The following GAB2 variants were observed in gnomAD, a reference collection of about 807,000 sequenced individuals.
GAB2 encodes GRB2-associated-binding protein 2.
Under a neutral mutation model 65.5 loss-of-function variants are expected in GAB2, and 26 were observed. The ratio of observed to expected loss-of-function variants is 0.40; its 90% CI spans 0.29 to 0.55. The LOEUF (loss-of-function observed/expected upper bound fraction) is 0.55. Ranked by LOEUF, GAB2 falls within the 20% of genes least tolerant of loss-of-function variation. The probability of loss-of-function intolerance (pLI) is 0.53; values close to 1 mark genes in which losing one functional copy is unlikely to be tolerated. For synonymous variants in GAB2, 321 were observed against 329.6 expected, an observed-to-expected ratio of 0.97 and a Z score of 0.28; for missense variants, 884 against 875.8, an observed-to-expected ratio of 1.01 and a Z score of -0.12.
At chr11:78,258,556 A>T (rs1479768774) in intron 2 of GAB2, among the ~76,000 whole-genome samples, 1 of 151,958 alleles carries the variant, frequency 6.6e-6, no homozygotes, top group Non-Finnish European at 1.5e-5. Flanking sequence ...TTTTCTTAAG[A>T]AGCTTCTTAG....
At position 78,292,004 on chromosome 11, in the gene GAB2, GT is replaced by G. The variant is rs1364009501; in HGVS notation, c.76-11104del. Reference sequence around the variant, plus strand: ...GAGCTTCACTAAGAGGTGTGTAGGGGTGTGTGTGTGTGTGTGTGTGTGTGTG... The same window carrying G: ...GAGCTTCACTAAGAGGTGTGTAGGGGGTGTGTGTGTGTGTGTGTGTGTGTG... On this transcript the variant is annotated intron_variant, in intron 1 of 9. Coordinates refer to ENST00000361507, the MANE Select transcript of GAB2 (RefSeq NM_080491.3). Among the ~76,000 whole-genome samples the G allele has an allele frequency of 3.2e-3, 22 of 6,980 alleles. No homozygotes were observed. The Non-Finnish European group carries it at 0.083, about 26-fold the overall frequency. The allele number at this position is 6,980 out of a possible 152,430, so 4.6% of individuals were successfully genotyped here. A position where few individuals can be genotyped will look rare whatever the true frequency, so the allele number is the denominator to read the frequency against.
At chr11:78,245,939 TTTC>T (rs1245352463) in intron 3 of GAB2, among the ~76,000 whole-genome samples, 1 of 146,546 alleles carries the variant, frequency 6.8e-6, no homozygotes, top group African/African-American at 2.4e-5. Context: ...GTTTTTTTAT[TTTC>T]TTTTTTTCTT....
intron 6 of GAB2, among the ~76,000 whole-genome samples, chr11:78,222,476 C>A (rs1165300703): frequency 6.6e-6 from 1 of 150,548 alleles, no homozygotes. Flanking sequence ...ACAGATTTTT[C>A]TCCCTCAATT....
intron 3 of GAB2, among the ~76,000 whole-genome samples, chr11:78,235,384 C>T (rs1029484205): frequency 6.6e-6 from 1 of 152,028 alleles, no homozygotes; most frequent in African/African-American, 2.4e-5. Flanking sequence ...GATCTCCTGA[C>T]CTTGAGATCC....
chr11:78,287,863 G>A (rs868842221), intron 1 of GAB2, among the ~76,000 whole-genome samples: 2 of 148,564 alleles, frequency 1.3e-5, no homozygotes, highest in Non-Finnish European at 3.0e-5. Flanking sequence ...GGCCAGGCTG[G>A]TCTTGAACTC....
chr11:78,246,205 T>G lies in GAB2; in HGVS notation c.620+3952A>C, dbSNP rs557669947. ...CCTCGGGCTCCCAAAGTGCTGGGATTACAGGTGTGAGCCACAGTGTCCGGT... is the reference window on the plus strand; with the variant it reads ...CCTCGGGCTCCCAAAGTGCTGGGATGACAGGTGTGAGCCACAGTGTCCGGT... On this transcript the variant is annotated intron_variant, in intron 3 of 9. Coordinates refer to ENST00000361507, the MANE Select transcript of GAB2 (RefSeq NM_080491.3). 5.3e-5 allele frequency among the ~76,000 whole-genome samples: 8 copies of G among 152,274 alleles called. No homozygotes were observed. The South Asian group carries it at 1.2e-3, about 24-fold the overall frequency.
intron 1 of GAB2, among the ~76,000 whole-genome samples, chr11:78,291,450 AG>A (rs1421150509): frequency 6.7e-6 from 1 of 148,168 alleles, no homozygotes; most frequent in Non-Finnish European, 1.5e-5. Flanking sequence ...TGGGCAACAG[AG>A]CAAGACTCTG....
chr11:78,372,451 G>A (rs560086346), intron 1 of GAB2, among the ~76,000 whole-genome samples: 21 of 152,266 alleles, frequency 1.4e-4, no homozygotes, highest in Non-Finnish European at 3.1e-4. Context: ...CACATCTAAG[G>A]TTGGTATTAT....
intron 1 of GAB2, among the ~76,000 whole-genome samples, chr11:78,332,706 A>G (rs911742408): frequency 2.0e-5 from 3 of 152,220 alleles, no homozygotes; most frequent in Admixed American, 2.0e-4. Flanking sequence ...ATGACAAATC[A>G]TAGCTCTGGC....
In GAB2 at chr11:78,318,644, C is replaced by T. The variant is rs778042789; in HGVS notation, c.76-37743G>A. ...CCCACAGATAAAGGCAGGAATGGTA[C>T]GCAAACTCCAGAAGGTTGGCTCTTG... On this transcript the variant is annotated intron_variant, in intron 1 of 9. Transcript: ENST00000361507. Among the ~76,000 whole-genome samples the T allele has an allele frequency of 4.6e-5, 7 of 152,052 alleles. No homozygotes were observed. The East Asian group carries it at 7.7e-4, about 17-fold the overall frequency.
intron 1 of GAB2, among the ~76,000 whole-genome samples, chr11:78,332,957 T>C (rs1261690826): frequency 6.6e-6 from 1 of 152,212 alleles, no homozygotes; most frequent in African/African-American, 2.4e-5. Flanking sequence ...CAAATATTTA[T>C]TGAGCCCCAA....
At chr11:78,350,655 T>C (rs953900755) in intron 1 of GAB2, among the ~76,000 whole-genome samples, 4 of 152,120 alleles carry the variant, frequency 2.6e-5, no homozygotes, top group African/African-American at 9.7e-5. Flanking sequence ...TGTGTGTCAT[T>C]GAGAGTTAGG....
Position 78,267,983 on chromosome 11 carries a change from A to C in GAB2, c.376+12618T>G, listed in dbSNP as rs190173448. ...TTTCATATTTTTATGGACTGATAAA[A>C]ATTTCTGTAGCGCAGCCCTGCAGGT... On this transcript the variant is annotated intron_variant, in intron 2 of 9. Transcript: ENST00000361507. Among the ~76,000 whole-genome samples, 4 of 152,240 alleles carry C rather than the reference A, an allele frequency of 2.6e-5. No individual in the cohort carries two copies. In the East Asian group the frequency reaches 7.7e-4, roughly 29 times the overall value.
At chr11:78,414,796 T>C (rs1180802365) in intron 1 of GAB2, among the ~76,000 whole-genome samples, 2 of 152,220 alleles carry the variant, frequency 1.3e-5, no homozygotes, top group Admixed American at 6.5e-5. Flanking sequence ...TGAAAACTAA[T>C]TGCTCAAACA....
At chr11:78,327,902 G>T (rs1855851751) in intron 1 of GAB2, among the ~76,000 whole-genome samples, 1 of 152,140 alleles carries the variant, frequency 6.6e-6, no homozygotes, top group Admixed American at 6.5e-5. Flanking sequence ...GGATGTTAAA[G>T]ACCTCTATAA....
chr11:78,397,969 T>A (rs765002694), intron 1 of GAB2, among the ~76,000 whole-genome samples: 1 of 151,524 alleles, frequency 6.6e-6, no homozygotes, highest in South Asian at 2.1e-4. Flanking sequence ...GAGGAGCACT[T>A]GAGCTCAGGA....
rs1554995540 is a variant in GAB2, at chr11:78,370,725, A to ATATGTGTGTGTGTG, written c.75+46920_75+46921insCACACACACACATA. ...TATGTGTGTGTGCGTGTGTGTGTGTATGTGTGTGTGTGTGTGTGTGTAAGG... is the reference window on the plus strand; with the variant it reads ...TATGTGTGTGTGCGTGTGTGTGTGTATATGTGTGTGTGTGTGTGTGTGTGTGTGTGTGTGTAAGG... On this transcript the variant is annotated intron_variant, in intron 1 of 9. Coordinates refer to ENST00000361507, the MANE Select transcript of GAB2 (RefSeq NM_080491.3). Among the ~76,000 whole-genome samples, 624 of 148,884 alleles carry ATATGTGTGTGTGTG rather than the reference A, an allele frequency of 4.2e-3. 3 individuals are homozygous for ATATGTGTGTGTGTG. The highest frequency in any genetic ancestry group is 0.015 in the African/African-American group (593 of 40,316).
chr11:78,277,746 A>G (rs188431412), intron 2 of GAB2, among the ~76,000 whole-genome samples: 98 of 152,382 alleles, frequency 6.4e-4, no homozygotes, highest in African/African-American at 2.1e-3. Flanking sequence ...GAGAAGGGAC[A>G]CAACCCCCTG....
chr11:78,220,275 G>C, intron 9 of GAB2, 44 bp downstream of exon 9: 3 of 1,608,564 alleles, frequency 1.9e-6, no homozygotes, highest in Non-Finnish European at 2.5e-6. Flanking sequence ...CTGCCTCCGG[G>C]ACCCTGAGAG....
Sources: allele counts gnomAD v4.1 joint callset (sites outside exome capture counted in the v4.1 genomes callset), GRCh38; gene constraint gnomAD v4.1.1; transcripts MANE v1.5; gene names NCBI Gene and HGNC (gene_info 2026-07-23, HGNC 2026-07-21).